GET4: variants seen among roughly 807,000 people sequenced by gnomAD.
The protein encoded by GET4 is Golgi to ER traffic protein 4 homolog.
GET4 carries 20 observed loss-of-function variants against 40.0 expected under a neutral mutation model. The observed-to-expected ratio is 0.50, with a 90% CI of 0.35 to 0.73. GET4 has a LOEUF of 0.73. GET4 is among the 30% of genes least tolerant of loss of function. GET4 has a pLI of 0.01. For missense variants in GET4, 557 were observed against 454.0 expected, an observed-to-expected ratio of 1.23 and a Z score of -2.06; for synonymous variants, 280 against 194.6, an observed-to-expected ratio of 1.44 and a Z score of -3.65.
chr7:878,204 C>G (rs1844007922), intron 1 of GET4: 2 of 467,512 alleles, frequency 4.3e-6, no homozygotes, highest in South Asian at 3.1e-5. Flanking sequence ...TAACTGCACG[C>G]CCCTCGGGAC....
At chr7:888,730 C>T (rs1280046763) in intron 4 of GET4, among the ~76,000 whole-genome samples, 1 of 152,260 alleles carries the variant, frequency 6.6e-6, no homozygotes, top group Non-Finnish European at 1.5e-5. Context: ...CCTCTGGCGA[C>T]AGCAGGCCTT....
chr7:887,641 G>T, intron 4 of GET4, 122 bp downstream of exon 4: 2 of 732,074 alleles, frequency 2.7e-6, no homozygotes, highest in Non-Finnish European at 4.0e-6. Context: ...CTGTGGTCAC[G>T]CGGGCCGGTC....
At chr7:884,133 G>T in intron 1 of GET4, 1 of 1,242,482 alleles carries the variant, frequency 8.0e-7, no homozygotes, top group Non-Finnish European at 1.0e-6. Flanking sequence ...CTTTACCTCA[G>T]ATAGAAGCAT....
At chr7:880,736 C>T (rs1032417565) in intron 1 of GET4, 6 of 152,252 alleles carry the variant, frequency 3.9e-5, no homozygotes, top group Admixed American at 1.3e-4. Context: ...GCAGCGGCAG[C>T]TGTCACCTCG....
chr7:884,267 T>C (rs2128627348), intron 1 of GET4: 1 of 1,304,130 alleles, frequency 7.7e-7, no homozygotes, highest in South Asian at 1.2e-5. Flanking sequence ...GGAGCTTGTT[T>C]TTCCAGAGTG....
At chr7:891,204 C>T (rs1041042435) in intron 5 of GET4, 138 bp downstream of exon 5, 2 of 627,828 alleles carry the variant, frequency 3.2e-6, no homozygotes, top group African/African-American at 3.8e-5. Flanking sequence ...CCACAGTGCA[C>T]TTGTCAGCCT....
intron 1 of GET4, chr7:879,757 T>C (rs556372499): frequency 3.3e-5 from 5 of 152,262 alleles, no homozygotes; most frequent in Non-Finnish European, 5.9e-5. Context: ...ACTAATTTTA[T>C]CTCTGGAAGA....
At position 895,387 on chromosome 7, in the gene GET4, A is replaced by G; in HGVS notation, c.949A>G (p.Ser317Gly). ...CTCAGAGCAGGAGGATGGGGAGGAG[A>G]GCCCCAGCGACGGCAGCCCCATCGA... ...GSSEQEDGEE[S>G]PSDGSPIELD Residue 317 changes from serine to glycine, a missense_variant, in exon 9 of 9, where the codon AGC (serine) becomes GGC (glycine). Ser to Gly is a moderately conservative substitution (Grantham distance 56). Coordinates refer to ENST00000265857, the MANE Select transcript of GET4 (RefSeq NM_015949.3). 1 of 1,596,764 alleles carries G rather than the reference A, an allele frequency of 6.3e-7. No individual in the cohort carries two copies. Among genetic ancestry groups the G allele is most frequent in the Non-Finnish European group, 8.6e-7 (1 of 1,166,470 alleles).
rs535139217 is a variant in GET4, at chr7:895,972, C to G, written c.*550C>G. The G allele has an allele frequency of 1.3e-5, 2 of 152,398 alleles. No individual in the cohort carries two copies. Among genetic ancestry groups the G allele is most frequent in the African/African-American group, 4.8e-5 (2 of 41,582 alleles). The allele number at this position is 152,398 out of a possible 1,614,324, so 9.4% of individuals were successfully genotyped here. On this transcript the variant is annotated 3_prime_UTR_variant, in exon 9 of 9. Transcript: ENST00000265857. ...GCACGTGCCCTGCGCCACATCCTCACGCTCGGTGGAGGGACGCGTGCGGCG... is the reference window on the plus strand; with the variant it reads ...GCACGTGCCCTGCGCCACATCCTCAGGCTCGGTGGAGGGACGCGTGCGGCG...
At chr7:881,523 G>A (rs1478283866) in intron 1 of GET4, 2 of 152,230 alleles carry the variant, frequency 1.3e-5, no homozygotes, top group African/African-American at 4.8e-5. Flanking sequence ...TTTTATCGCT[G>A]AGTGGTTTTC....
At chr7:890,607 A>G (rs981832526) in intron 4 of GET4, among the ~76,000 whole-genome samples, 1 of 152,106 alleles carries the variant, frequency 6.6e-6, no homozygotes, top group African/African-American at 2.4e-5. Flanking sequence ...TGCTTCTGGT[A>G]GGTGAGAAGG....
chr7:893,683 A>C (rs997450299), intron 6 of GET4, 57 bp from the exon 7 acceptor site: 1 of 1,157,062 alleles, frequency 8.6e-7, no homozygotes, highest in Non-Finnish European at 1.3e-6. Context: ...TGGTTTGTGC[A>C]GGTGAGTGTG....
intron 1 of GET4, among the ~76,000 whole-genome samples, chr7:877,673 A>G (rs1313449328): frequency 1.6e-4 from 3 of 18,590 alleles, no homozygotes; most frequent in Admixed American, 5.8e-4. Context: ...CCTGCTCCCC[A>G]CCCCATATCT....
In GET4 at chr7:886,663, C is replaced by A. The variant is rs1453071030; in HGVS notation, c.316+13C>A. ...GACGAGCTGCTGGGTGAGCATCCGG[C>A]CCTTCACCCCGGGACCCTGTGACAG... On this transcript the variant is annotated intron_variant, in intron 3 of 8. Coordinates refer to ENST00000265857, the MANE Select transcript of GET4 (RefSeq NM_015949.3). The A allele has an allele frequency of 1.5e-5, 24 of 1,587,778 alleles. No individual in the cohort carries two copies. The highest frequency in any genetic ancestry group is 2.0e-5 in the Non-Finnish European group (23 of 1,158,070).
At chr7:887,815 T>C (rs1416735864) in intron 4 of GET4, among the ~76,000 whole-genome samples, 4 of 152,234 alleles carry the variant, frequency 2.6e-5, no homozygotes. Flanking sequence ...CTGCTGCTCC[T>C]TTCTGGAACA....
chr7:877,350 G>C (rs1429902742), intron 1 of GET4, among the ~76,000 whole-genome samples: 1 of 66,228 alleles, frequency 1.5e-5, no homozygotes, highest in Admixed American at 2.1e-4. Context: ...TCTCTCTCTC[G>C]CCGTCCTCCC....
chr7:881,225 T>A (rs976788274), intron 1 of GET4: 2 of 152,200 alleles, frequency 1.3e-5, no homozygotes, highest in African/African-American at 2.4e-5. Flanking sequence ...ATTTAAATAT[T>A]TATGTAAAAT....
chr7:893,105 G>A (rs1164535582), intron 6 of GET4, among the ~76,000 whole-genome samples: 1 of 143,848 alleles, frequency 7.0e-6, no homozygotes. Flanking sequence ...GTGGTGATGT[G>A]TGCAGGCAAG....
At chr7:885,808 T>G in intron 1 of GET4, 2 of 508,808 alleles carry the variant, frequency 3.9e-6, no homozygotes, top group East Asian at 3.4e-5. Flanking sequence ...TGAGGCTGCT[T>G]TCTGGCTCCT....
Sources: gnomAD v4.1 joint callset for allele counts (sites outside exome capture counted in the v4.1 genomes callset) on GRCh38, gnomAD v4.1.1 for gene constraint, MANE v1.5 for transcripts, NCBI Gene and HGNC (gene_info 2026-07-23, HGNC 2026-07-21) for gene names.